ADD3: variants seen among roughly 807,000 people sequenced by gnomAD.
ADD3 encodes adducin 3, also known as gamma-adducin.
A neutral mutation model predicts 80.2 loss-of-function variants in ADD3; 25 were observed. The ratio of observed to expected loss-of-function variants is 0.31; its 90% CI spans 0.23 to 0.44. The LOEUF (loss-of-function observed/expected upper bound fraction) is 0.44, where lower values mean the gene tolerates loss of function less well. ADD3 is among the 20% of genes least tolerant of loss of function. ADD3 has a pLI of 1.00. For synonymous variants in ADD3, 284 were observed against 289.6 expected (o/e 0.98, Z 0.20); for missense variants, 829 against 847.5 (o/e 0.98, Z 0.27).
intron 1 of ADD3, among the ~76,000 whole-genome samples, chr10:110,092,389 T>TA (rs1314096211): frequency 5.9e-5 from 9 of 152,104 alleles, no homozygotes; most frequent in South Asian, 2.1e-4. Flanking sequence ...TATGCAACCA[T>TA]AAAAAAAACA....
At position 110,126,431 on chromosome 10, in the gene ADD3, T is replaced by C. The variant is rs749357971; in HGVS notation, c.1536T>C (p.Asn512=). The change falls in exon 12 of 15, where the codon AAT becomes AAC. Residue 512 remains asparagine, a synonymous_variant. Coordinates refer to ENST00000356080, the MANE Select transcript of ADD3 (RefSeq NM_016824.5). ...LEKRNKIREQ[N]RYDLKTAGPQ... ...TTTCAATTCAGATTCGGGAACAAAATCGATATGACTTGAAAACAGCAGGAC... is the reference window on the plus strand; with the variant it reads ...TTTCAATTCAGATTCGGGAACAAAACCGATATGACTTGAAAACAGCAGGAC... 3.7e-6 allele frequency: 6 copies of C among 1,613,482 alleles called. No homozygotes were observed. The highest frequency in any genetic ancestry group is 8.5e-7 in the Non-Finnish European group (1 of 1,179,848).
At chr10:110,071,096 A>G (rs888455625) in intron 1 of ADD3, among the ~76,000 whole-genome samples, 1 of 151,940 alleles carries the variant, frequency 6.6e-6, no homozygotes, top group Non-Finnish European at 1.5e-5. Context: ...ATTGATACTT[A>G]AATTTCCCAA....
chr10:110,075,241 G>A (rs1845253039), intron 1 of ADD3, among the ~76,000 whole-genome samples: 1 of 152,038 alleles, frequency 6.6e-6, no homozygotes, highest in African/African-American at 2.4e-5. Flanking sequence ...TGATATCATT[G>A]GCAGATTTTC....
chr10:110,039,339 T>TAA (rs370308579), intron 1 of ADD3, among the ~76,000 whole-genome samples: 2 of 144,646 alleles, frequency 1.4e-5, no homozygotes, highest in African/African-American at 5.1e-5. Flanking sequence ...TTGGTGAAGT[T>TAA]AAAAAAAAAA....
rs1196634142 is a variant in ADD3 at position 110,132,943 on chromosome 10, AAAAG to A, written c.1829-380_1829-377del. The stretch of plus-strand genomic sequence containing the variant: ...CCGCCTCAAAAAAAAAAAAAAAAAA[AAAAG>A]AATTTGTGGAATTAAACATCTCCCA... On this transcript the variant is annotated intron_variant, in intron 14 of 14. Coordinates refer to ENST00000356080, the MANE Select transcript of ADD3 (RefSeq NM_016824.5). Among the ~76,000 whole-genome samples, 17 of 151,986 alleles carry A rather than the reference AAAAG, an allele frequency of 1.1e-4. No homozygotes were observed. In the East Asian group the frequency reaches 2.1e-3, roughly 19 times the overall value.
At chr10:110,109,449 C>A (rs1047597178) in intron 2 of ADD3, among the ~76,000 whole-genome samples, 1 of 152,238 alleles carries the variant, frequency 6.6e-6, no homozygotes, top group African/African-American at 2.4e-5. Flanking sequence ...ATTTTTGTAG[C>A]ATTTTAATCT....
intron 11 of ADD3, among the ~76,000 whole-genome samples, chr10:110,126,146 T>C (rs1852116032): frequency 6.6e-6 from 1 of 152,196 alleles, no homozygotes. Context: ...GGGGAAGATG[T>C]ATTGAACATT....
intron 1 of ADD3, among the ~76,000 whole-genome samples, chr10:110,047,996 A>T (rs926728326): frequency 6.6e-6 from 1 of 152,270 alleles, no homozygotes; most frequent in Admixed American, 6.5e-5. Context: ...GTCCCCACCC[A>T]AATCCCATAT....
intron 1 of ADD3, among the ~76,000 whole-genome samples, chr10:110,075,341 G>GT (rs551667288): frequency 0.022 from 3,229 of 147,540 alleles, 105 homozygotes; most frequent in African/African-American, 0.069. Context: ...ATGGTTTTTT[G>GT]TTTTTTTTTT....
intron 12 of ADD3, among the ~76,000 whole-genome samples, chr10:110,127,541 C>T (rs7097640): frequency 0.13 from 20,095 of 152,228 alleles, 4,270 homozygotes; most frequent in African/African-American, 0.45. Context: ...CACTCGAACC[C>T]GGGAGGCAGA....
rs56032817 is a variant in ADD3 at position 110,070,988 on chromosome 10, G to T, written c.-29-29637G>T. The stretch of plus-strand genomic sequence containing the variant: ...TTAGTTTTTTGTTGTTTTTGGGGGG[G>T]GGGGGTGGGGAGCCAGCTTTGCCTC... On this transcript the variant is annotated intron_variant, in intron 1 of 14. Transcript: ENST00000356080. Among the ~76,000 whole-genome samples the T allele has an allele frequency of 2.7e-3, 261 of 97,656 alleles. 1 individual carries two copies. The highest frequency in any genetic ancestry group is 4.8e-3 in the Middle Eastern group (1 of 208). 64.1% of individuals were successfully genotyped at this position (97,656 alleles called of 152,430 possible). A position where few individuals can be genotyped will look rare whatever the true frequency, so the allele number is the denominator to read the frequency against.
At chr10:110,003,127 CTTCA>C (rs1268890321), upstream of ADD3, among the ~76,000 whole-genome samples, 1 of 151,698 alleles carries the variant, frequency 6.6e-6, no homozygotes, top group Non-Finnish European at 1.5e-5. Context: ...GGCTGTTGTG[CTTCA>C]TTAAGTTTAC....
At chr10:110,039,421 T>C (rs1235957842) in intron 1 of ADD3, among the ~76,000 whole-genome samples, 1 of 152,062 alleles carries the variant, frequency 6.6e-6, no homozygotes, top group Non-Finnish European at 1.5e-5. Flanking sequence ...CCTTGAGGCA[T>C]GATGCAGTGG....
At position 110,124,244 on chromosome 10, in the gene ADD3, C is replaced by G. The variant is rs765756419; in HGVS notation, c.1371C>G (p.Asn457Lys). 3.1e-6 allele frequency: 5 copies of G among 1,614,016 alleles called. No homozygotes were observed. The African/African-American group carries it at 4.0e-5, about 13-fold the overall frequency. Residue 457 changes from asparagine to lysine, a missense_variant, in exon 10 of 15, where the codon AAC (asparagine) becomes AAG (lysine). Asn to Lys is a moderately conservative substitution (Grantham distance 94). Coordinates refer to ENST00000356080, the MANE Select transcript of ADD3 (RefSeq NM_016824.5). ...TGAATGTGCCTGAGGAGTCTCGGAA[C>G]GGAGAAACCAGTCCCCGAACCAAAA... ...MKVNVPEESR[N>K]GETSPRTKIT...
intron 1 of ADD3, among the ~76,000 whole-genome samples, chr10:110,071,164 CAT>C (rs1328445989): frequency 1.3e-5 from 2 of 152,036 alleles, no homozygotes; most frequent in Admixed American, 6.5e-5. Flanking sequence ...AAACGTAAAA[CAT>C]ATTTTTCCAA....
chr10:110,080,112 A>AGGCC (rs1333564314), intron 1 of ADD3, among the ~76,000 whole-genome samples: 1 of 152,192 alleles, frequency 6.6e-6, no homozygotes, highest in African/African-American at 2.4e-5. Flanking sequence ...CTCCAAAACT[A>AGGCC]GGCCGCACTA....
chr10:110,081,751 G>C (rs1846085180), intron 1 of ADD3, among the ~76,000 whole-genome samples: 1 of 152,198 alleles, frequency 6.6e-6, no homozygotes, highest in Non-Finnish European at 1.5e-5. Flanking sequence ...AACCACGCTT[G>C]AAAATGGTCA....
chr10:110,086,086 CAA>C (rs200713663), intron 1 of ADD3, among the ~76,000 whole-genome samples: 3,736 of 142,642 alleles, frequency 0.026, 97 homozygotes, highest in South Asian at 0.14. Flanking sequence ...GCCTGGGTGA[CAA>C]AGAGCGAAAC....
intron 1 of ADD3, among the ~76,000 whole-genome samples, chr10:110,091,795 C>T (rs1463845413): frequency 6.6e-6 from 1 of 152,146 alleles, no homozygotes; most frequent in Non-Finnish European, 1.5e-5. Context: ...AAACTATCAA[C>T]GTAGAAAACA....
Sources: allele counts gnomAD v4.1 joint callset (sites outside exome capture counted in the v4.1 genomes callset), GRCh38; gene constraint gnomAD v4.1.1; transcripts MANE v1.5; gene names NCBI Gene and HGNC (gene_info 2026-07-23, HGNC 2026-07-21).